PHYHIPL: variants seen among roughly 807,000 people sequenced by gnomAD.
PHYHIPL encodes phytanoyl-CoA 2-hydroxylase interacting protein like.
A neutral mutation model predicts 33.4 loss-of-function variants in PHYHIPL; 9 were observed. The observed-to-expected ratio is 0.27, with a 90% confidence interval of 0.16 to 0.47. The LOEUF is 0.47. PHYHIPL is among the 20% of genes least tolerant of loss of function. PHYHIPL has a pLI of 0.99. For missense variants in PHYHIPL, 365 were observed against 460.7 expected (o/e 0.79, Z 1.90); for synonymous variants, 153 against 154.1 (o/e 0.99, Z 0.05).
chr10:59,188,763 A>C (rs1204104841), intron 1 of PHYHIPL, among the ~76,000 whole-genome samples: 1 of 151,982 alleles, frequency 6.6e-6, no homozygotes, highest in Non-Finnish European at 1.5e-5. Context: ...TTTAAAGTCT[A>C]TTTTATCCGA....
chr10:59,198,722 T>C (rs1387747944), intron 1 of PHYHIPL, among the ~76,000 whole-genome samples: 1 of 147,316 alleles, frequency 6.8e-6, no homozygotes, highest in Non-Finnish European at 1.5e-5. Context: ...ACCTATTGTT[T>C]CCTGACTTTT....
intron 1 of PHYHIPL, among the ~76,000 whole-genome samples, chr10:59,223,048 C>T (rs538315347): frequency 2.6e-5 from 4 of 152,274 alleles, no homozygotes; most frequent in African/African-American, 9.6e-5. Context: ...AGTAGGTGCT[C>T]TTAGCCACTC....
chr10:59,203,397 C>T (rs1839184437), intron 1 of PHYHIPL, among the ~76,000 whole-genome samples: 1 of 152,150 alleles, frequency 6.6e-6, no homozygotes, highest in Admixed American at 6.5e-5. Context: ...TACCATTTGA[C>T]CCAGCCATCC....
intron 1 of PHYHIPL, among the ~76,000 whole-genome samples, chr10:59,232,078 T>C (rs1334158843): frequency 1.3e-5 from 2 of 151,998 alleles, no homozygotes; most frequent in African/African-American, 2.4e-5. Context: ...AGAAAGAGGA[T>C]AGGTTGAAAC....
rs1189561560 is a variant in PHYHIPL at position 59,243,752 on chromosome 10, C to CA, written c.597-1296dup. On this transcript the variant is annotated intron_variant, in intron 4 of 4. Coordinates refer to ENST00000373880, the MANE Select transcript of PHYHIPL (RefSeq NM_032439.4). ...CAAGTCATGCTGGTCAGGGACCCAG[C>CA]AAAAAAAAACAAACAACAAAAAAAA... Among the ~76,000 whole-genome samples, 64 of 146,084 alleles carry CA rather than the reference C, an allele frequency of 4.4e-4. 1 individual carries two copies. Among genetic ancestry groups the CA allele is most frequent in the East Asian group, 2.2e-3 (11 of 4,982 alleles).
At chr10:59,189,588 A>C (rs1446281844) in intron 1 of PHYHIPL, among the ~76,000 whole-genome samples, 1 of 151,978 alleles carries the variant, frequency 6.6e-6, no homozygotes, top group African/African-American at 2.4e-5. Flanking sequence ...TAGGTTCTGA[A>C]TTAAGAACAG....
intron 1 of PHYHIPL, among the ~76,000 whole-genome samples, chr10:59,179,997 T>C (rs1272150899): frequency 3.3e-5 from 5 of 151,798 alleles, no homozygotes; most frequent in Non-Finnish European, 7.4e-5. Flanking sequence ...TCTATTCCTA[T>C]TGCAAGTAGA....
intron 1 of PHYHIPL, among the ~76,000 whole-genome samples, chr10:59,210,714 G>A (rs965034442): frequency 3.9e-5 from 6 of 152,096 alleles, no homozygotes; most frequent in Non-Finnish European, 7.4e-5. Flanking sequence ...AAGAAAATGT[G>A]GCACATACAC....
At chr10:59,242,872 AACTC>A (rs1238596345) in intron 4 of PHYHIPL, among the ~76,000 whole-genome samples, 1 of 152,194 alleles carries the variant, frequency 6.6e-6, no homozygotes, top group Non-Finnish European at 1.5e-5. Context: ...ACAGAGATAA[AACTC>A]ACCGAAAAAT....
chr10:59,213,543 C>T (rs922885216), intron 1 of PHYHIPL, among the ~76,000 whole-genome samples: 2 of 152,110 alleles, frequency 1.3e-5, no homozygotes, highest in East Asian at 1.9e-4. Flanking sequence ...GTGATCTCAA[C>T]TCATGTCTAG....
At chr10:59,184,103 G>A in intron 1 of PHYHIPL, among the ~76,000 whole-genome samples, 1 of 152,096 alleles carries the variant, frequency 6.6e-6, no homozygotes, top group Non-Finnish European at 1.5e-5. Flanking sequence ...GGTCCAATAG[G>A]TCCTTAATGG....
At chr10:59,209,609 C>T (rs1839388854) in intron 1 of PHYHIPL, among the ~76,000 whole-genome samples, 1 of 152,120 alleles carries the variant, frequency 6.6e-6, no homozygotes, top group Non-Finnish European at 1.5e-5. Context: ...GGGCTAAATG[C>T]TCCAATTAAA....
At chr10:59,244,341 C>T (rs1351847717) in intron 4 of PHYHIPL, among the ~76,000 whole-genome samples, 2 of 151,932 alleles carry the variant, frequency 1.3e-5, no homozygotes, top group South Asian at 2.1e-4. Flanking sequence ...CCGAGGTGGG[C>T]GGATCACAAG....
chr10:59,173,960 TGG>T (rs1838210523), upstream of PHYHIPL, among the ~76,000 whole-genome samples: 2 of 112,716 alleles, frequency 1.8e-5, no homozygotes, highest in Non-Finnish European at 3.5e-5. Context: ...TTTTTTTTTT[TGG>T]GGAGGAGGGG....
chr10:59,189,460 A>G (rs914641265), intron 1 of PHYHIPL, among the ~76,000 whole-genome samples: 2 of 152,132 alleles, frequency 1.3e-5, no homozygotes, highest in South Asian at 2.1e-4. Context: ...ATGCCATTCT[A>G]TTCTTGTTCA....
At chr10:59,221,492 C>T (rs553952520) in intron 1 of PHYHIPL, among the ~76,000 whole-genome samples, 27 of 152,098 alleles carry the variant, frequency 1.8e-4, no homozygotes, top group Middle Eastern at 3.4e-3. Flanking sequence ...ACTAGTGCTT[C>T]GGTTCACCTT....
intron 1 of PHYHIPL, among the ~76,000 whole-genome samples, chr10:59,196,620 G>A (rs565096232): frequency 7.2e-5 from 11 of 151,846 alleles, no homozygotes; most frequent in South Asian, 4.1e-4. Flanking sequence ...GGGTTTCACC[G>A]TGTTAGGCAG....
chr10:59,177,031 C>G, intron 1 of PHYHIPL, 72 bp downstream of exon 1: 2 of 1,318,500 alleles, frequency 1.5e-6, no homozygotes, highest in Non-Finnish European at 2.1e-6. Context: ...CTGGCTCCGC[C>G]GACGCCGCTC....
chr10:59,213,439 T>TA (rs1450037607), intron 1 of PHYHIPL, among the ~76,000 whole-genome samples: 1 of 152,088 alleles, frequency 6.6e-6, no homozygotes, highest in African/African-American at 2.4e-5. Flanking sequence ...AGAATATTTA[T>TA]AAAAAAATAA....
Sources: allele counts gnomAD v4.1 joint callset (sites outside exome capture counted in the v4.1 genomes callset), GRCh38; gene constraint gnomAD v4.1.1; transcripts MANE v1.5; gene names NCBI Gene and HGNC (gene_info 2026-07-23, HGNC 2026-07-21).